HPSE2: variants seen among roughly 807,000 people sequenced by gnomAD.
HPSE2 encodes inactive heparanase-2.
A neutral mutation model predicts 60.5 loss-of-function variants in HPSE2; 38 were observed. The ratio of observed to expected loss-of-function variants is 0.63; its 90% CI spans 0.48 to 0.82. HPSE2 has a LOEUF of 0.82. Ranked by LOEUF, HPSE2 falls within the 40% of genes least tolerant of loss-of-function variation. The probability of loss-of-function intolerance (pLI) is 0.00; values close to 1 mark genes in which losing one functional copy is unlikely to be tolerated. For missense variants in HPSE2, 713 were observed against 740.4 expected (o/e 0.96, Z 0.43); for synonymous variants, 295 against 293.2 (o/e 1.01, Z -0.06).
intron 2 of HPSE2, among the ~76,000 whole-genome samples, chr10:99,206,083 G>C (rs1204959500): frequency 6.6e-6 from 1 of 152,168 alleles, no homozygotes; most frequent in Non-Finnish European, 1.5e-5. Context: ...ACATACTGTA[G>C]GTTGAGGTCT....
At chr10:98,780,320 T>C (rs1440326244) in intron 3 of HPSE2, among the ~76,000 whole-genome samples, 1 of 152,168 alleles carries the variant, frequency 6.6e-6, no homozygotes, top group Admixed American at 6.6e-5. Context: ...TAGTTTATAG[T>C]GTTGGCAATG....
the HPSE2 span, among the ~76,000 whole-genome samples, chr10:99,305,979 G>GCGCGCA: frequency 4.8e-4 from 39 of 80,578 alleles, no homozygotes; most frequent in East Asian, 5.1e-3. Context: ...GCGCGCGCGC[G>GCGCGCA]CACACACACA....
At chr10:98,546,482 C>G (rs1419110705) in intron 9 of HPSE2, among the ~76,000 whole-genome samples, 2 of 151,032 alleles carry the variant, frequency 1.3e-5, no homozygotes, top group Non-Finnish European at 3.0e-5. Flanking sequence ...CAGAACAGAG[C>G]CCTCAGAAAT....
intron 9 of HPSE2, among the ~76,000 whole-genome samples, chr10:98,612,776 A>C (rs1263051110): frequency 1.3e-5 from 2 of 152,246 alleles, no homozygotes; most frequent in African/African-American, 4.8e-5. Context: ...AATTATGCCA[A>C]GGTGATCTGT....
rs1333799024 is a variant in HPSE2 at position 98,490,215 on chromosome 10, G to A, written c.1321-19C>T. On this transcript the variant is annotated intron_variant, in intron 9 of 11. Coordinates refer to ENST00000370552, the MANE Select transcript of HPSE2 (RefSeq NM_021828.5). ...AGTAGTCCTGAGGAGAATAGAGAGG[G>A]AGAGGGTCAGCGAGAGAACACATGC... 2 of 1,613,526 alleles carry A rather than the reference G, an allele frequency of 1.2e-6. No individual in the cohort carries two copies. The highest frequency in any genetic ancestry group is 1.1e-5 in the South Asian group (1 of 91,026).
intron 3 of HPSE2, among the ~76,000 whole-genome samples, chr10:98,919,958 C>T (rs1366643220): frequency 2.0e-5 from 3 of 152,090 alleles, no homozygotes; most frequent in African/African-American, 7.2e-5. Flanking sequence ...CAATATGTAA[C>T]GGTGGCAGAC....
chr10:98,531,419 C>T (rs577969), intron 9 of HPSE2, among the ~76,000 whole-genome samples: 6,731 of 152,254 alleles, frequency 0.044, 159 homozygotes, highest in South Asian at 0.083. Context: ...AGCACCAGCT[C>T]TTCCTGGCTG....
rs180747056 is a variant in HPSE2, at chr10:98,941,516, C to T, written c.611-197460G>A. On this transcript the variant is annotated intron_variant, in intron 3 of 11. Transcript: ENST00000370552. ...AGAATAAAATACCTAGGAGTCCAAC[C>T]TACAAGGGTTGTGAAGGACCTCTTC... Among the ~76,000 whole-genome samples, 3 of 142,928 alleles carry T rather than the reference C, an allele frequency of 2.1e-5. 1 individual carries two copies. The highest frequency in any genetic ancestry group is 2.0e-4 in the East Asian group (1 of 5,072). 93.8% of individuals were successfully genotyped at this position (142,928 alleles called of 152,430 possible).
At chr10:98,536,316 G>A (rs1943281555) in intron 9 of HPSE2, among the ~76,000 whole-genome samples, 1 of 152,222 alleles carries the variant, frequency 6.6e-6, no homozygotes, top group African/African-American at 2.4e-5. Context: ...GATCATTTCA[G>A]ACACAACTAT....
chr10:98,537,835 C>T (rs1943335317), intron 9 of HPSE2, among the ~76,000 whole-genome samples: 4 of 152,328 alleles, frequency 2.6e-5, no homozygotes, highest in South Asian at 2.1e-4. Context: ...CCCCTCCCTG[C>T]GGTGCTGTGC....
intron 6 of HPSE2, among the ~76,000 whole-genome samples, chr10:98,677,409 T>C (rs1251658393): frequency 6.6e-6 from 1 of 152,206 alleles, no homozygotes; most frequent in African/African-American, 2.4e-5. Context: ...GCTAAACATC[T>C]GTATATTCTA....
At chr10:98,881,691 A>G (rs1269491617) in intron 3 of HPSE2, among the ~76,000 whole-genome samples, 1 of 152,096 alleles carries the variant, frequency 6.6e-6, no homozygotes, top group Non-Finnish European at 1.5e-5. Context: ...GAGAGAGACA[A>G]TAATAAACTG....
intron 2 of HPSE2, among the ~76,000 whole-genome samples, chr10:99,209,731 C>T (rs1237731572): frequency 1.3e-5 from 2 of 152,230 alleles, no homozygotes; most frequent in South Asian, 4.1e-4. Context: ...GCTCTGTCAC[C>T]CAGGCTGGAG....
At chr10:99,207,765 T>C (rs1848807898) in intron 2 of HPSE2, among the ~76,000 whole-genome samples, 1 of 151,958 alleles carries the variant, frequency 6.6e-6, no homozygotes, top group South Asian at 2.1e-4. Flanking sequence ...TAAGCTTCAC[T>C]CTAAATACAA....
intron 9 of HPSE2, among the ~76,000 whole-genome samples, chr10:98,554,369 C>A (rs182637627): frequency 6.6e-6 from 1 of 152,180 alleles, no homozygotes; most frequent in Non-Finnish European, 1.5e-5. Flanking sequence ...TAAAGTAGGA[C>A]GTCCTTCATG....
intron 6 of HPSE2, among the ~76,000 whole-genome samples, chr10:98,664,058 A>C (rs769935480): frequency 6.6e-6 from 1 of 151,530 alleles, no homozygotes; most frequent in Non-Finnish European, 1.5e-5. Flanking sequence ...CAGGGCAGCA[A>C]CTCTGCCACT....
chr10:98,871,712 G>A (rs1952737394), intron 3 of HPSE2, among the ~76,000 whole-genome samples: 1 of 151,936 alleles, frequency 6.6e-6, no homozygotes, highest in South Asian at 2.1e-4. Context: ...GTTATTCCAA[G>A]CAGAAAAACA....
At chr10:99,183,715 C>A (rs370011320) in intron 2 of HPSE2, among the ~76,000 whole-genome samples, 1 of 152,160 alleles carries the variant, frequency 6.6e-6, no homozygotes, top group African/African-American at 2.4e-5. Flanking sequence ...GCCTTCTGTG[C>A]GGCAAGCAGC....
chr10:98,615,909 G>C (rs1945893734), intron 8 of HPSE2, among the ~76,000 whole-genome samples: 1 of 152,102 alleles, frequency 6.6e-6, no homozygotes, highest in Non-Finnish European at 1.5e-5. Flanking sequence ...CTAAACATGT[G>C]TGTGTCCAGC....
Sources: gnomAD v4.1 joint callset for allele counts (sites outside exome capture counted in the v4.1 genomes callset) on GRCh38, gnomAD v4.1.1 for gene constraint, MANE v1.5 for transcripts, NCBI Gene and HGNC (gene_info 2026-07-23, HGNC 2026-07-21) for gene names.